Variants in RAD51B observed in about 807,000 individuals in gnomAD.
The protein encoded by RAD51B is RAD51 paralog B, also known as DNA repair protein RAD51 homolog 2.
RAD51B carries 38 observed loss-of-function variants against 42.2 expected under a neutral mutation model. The observed-to-expected ratio is 0.90, with a 90% CI of 0.70 to 1.18. RAD51B has a LOEUF of 1.18. Among genes scored for constraint, RAD51B ranks in the 50% most tolerant of loss-of-function variants. The pLI, the probability that RAD51B is intolerant of heterozygous loss-of-function variation, is 0.00. For synonymous variants in RAD51B, 154 were observed against 145.2 expected (o/e 1.06, Z -0.43); for missense variants, 373 against 400.7 (o/e 0.93, Z 0.59).
intron 7 of RAD51B, among the ~76,000 whole-genome samples, chr14:68,251,141 G>A (rs753134861): frequency 6.6e-6 from 1 of 151,956 alleles, no homozygotes; most frequent in African/African-American, 2.4e-5. Context: ...TTGTATGACA[G>A]ATCCAGGGGA....
At chr14:68,351,043 T>C (rs890170761) in intron 8 of RAD51B, among the ~76,000 whole-genome samples, 1 of 152,152 alleles carries the variant, frequency 6.6e-6, no homozygotes, top group Non-Finnish European at 1.5e-5. Context: ...AATAAACTTG[T>C]AGAAGGTACT....
chr14:68,586,656 C>T (rs932018886), intron 10 of RAD51B, among the ~76,000 whole-genome samples: 1 of 152,196 alleles, frequency 6.6e-6, no homozygotes, highest in Non-Finnish European at 1.5e-5. Flanking sequence ...GCTTCACAGA[C>T]ACTCCCATTC....
chr14:68,645,838 A>C (rs969923111), intron 10 of RAD51B, among the ~76,000 whole-genome samples: 1 of 152,126 alleles, frequency 6.6e-6, no homozygotes, highest in African/African-American at 2.4e-5. Context: ...TTTTGCTATC[A>C]TAAGTAAAAT....
At chr14:68,254,406 C>T (rs1438062472) in intron 7 of RAD51B, among the ~76,000 whole-genome samples, 1 of 152,218 alleles carries the variant, frequency 6.6e-6, no homozygotes, top group African/African-American at 2.4e-5. Flanking sequence ...TCCATTTTCA[C>T]TAACCTTTAA....
chr14:68,293,425 G>A (rs1178614697), intron 8 of RAD51B, among the ~76,000 whole-genome samples: 7 of 151,976 alleles, frequency 4.6e-5, no homozygotes, highest in Admixed American at 1.3e-4. Context: ...CTCCCTTTGC[G>A]TAGACTGGTT....
intron 9 of RAD51B, among the ~76,000 whole-genome samples, chr14:68,439,483 T>G (rs912589372): frequency 4.2e-5 from 5 of 119,438 alleles, no homozygotes; most frequent in African/African-American, 1.4e-4. Context: ...ATATGTCCCA[T>G]TTTACTGATG....
Position 68,644,142 on chromosome 14 carries a change from T to G in RAD51B, c.1037-6639T>G, listed in dbSNP as rs1892519425. 1.3e-5 allele frequency among the ~76,000 whole-genome samples: 2 copies of G among 152,258 alleles called. 1 individual carries two copies. The highest frequency in any genetic ancestry group is 1.3e-4 in the Admixed American group (2 of 15,280). ...GACCTTGGCATTGCTGGCATCCTAA[T>G]TCCTGCAACGAGCATTTACTTGTTC... is the stretch of plus-strand genomic sequence containing the variant. On this transcript the variant is annotated intron_variant, in intron 10 of 11. Transcript: ENST00000488612.
intron 7 of RAD51B, among the ~76,000 whole-genome samples, chr14:67,905,630 C>T (rs1052219736): frequency 6.6e-6 from 1 of 152,002 alleles, no homozygotes; most frequent in Non-Finnish European, 1.5e-5. Context: ...TTTTTCACCT[C>T]CCTGGTTAGC....
At chr14:68,295,655 CA>C (rs1224795994) in intron 8 of RAD51B, among the ~76,000 whole-genome samples, 1 of 152,082 alleles carries the variant, frequency 6.6e-6, no homozygotes, top group Non-Finnish European at 1.5e-5. Context: ...TCGGTTGGGC[CA>C]GGTCACTTGT....
At chr14:67,995,743 G>T (rs554187324) in intron 7 of RAD51B, among the ~76,000 whole-genome samples, 3 of 150,934 alleles carry the variant, frequency 2.0e-5, no homozygotes, top group Admixed American at 6.6e-5. Flanking sequence ...TCAGCCTTCC[G>T]AGTAGCTGGG....
At chr14:67,974,917 T>A (rs1365420871) in intron 7 of RAD51B, among the ~76,000 whole-genome samples, 3 of 152,234 alleles carry the variant, frequency 2.0e-5, no homozygotes, top group Admixed American at 1.3e-4. Context: ...TATGTGATAC[T>A]GACTACTAAT....
intron 7 of RAD51B, among the ~76,000 whole-genome samples, chr14:68,127,662 C>G (rs1010910619): frequency 1.1e-3 from 167 of 148,062 alleles, no homozygotes; most frequent in African/African-American, 4.0e-3. Flanking sequence ...CACATACACA[C>G]AGTAATGCTT....
chr14:67,935,504 A>C (rs1489031688), intron 7 of RAD51B, among the ~76,000 whole-genome samples: 1 of 152,146 alleles, frequency 6.6e-6, no homozygotes, highest in East Asian at 1.9e-4. Flanking sequence ...AGCTAGGACT[A>C]CAGGCACATA....
chr14:67,855,671 G>A (rs1170185020), intron 4 of RAD51B, among the ~76,000 whole-genome samples: 2 of 152,226 alleles, frequency 1.3e-5, no homozygotes, highest in East Asian at 3.8e-4. Context: ...AAACAGTTAA[G>A]TGTAAGACAT....
intron 7 of RAD51B, among the ~76,000 whole-genome samples, chr14:68,267,921 G>A (rs1288906785): frequency 6.7e-6 from 1 of 149,436 alleles, no homozygotes; most frequent in Admixed American, 6.6e-5. Flanking sequence ...ATTTTACACA[G>A]ATAAAACCAA....
At chr14:68,029,793 G>A (rs2031875058) in intron 7 of RAD51B, among the ~76,000 whole-genome samples, 1 of 152,126 alleles carries the variant, frequency 6.6e-6, no homozygotes, top group Non-Finnish European at 1.5e-5. Flanking sequence ...TCCATCAGAC[G>A]AATCCGTATC....
intron 7 of RAD51B, among the ~76,000 whole-genome samples, chr14:68,257,667 C>T (rs770809899): frequency 4.6e-5 from 7 of 151,988 alleles, no homozygotes; most frequent in South Asian, 2.1e-4. Context: ...GCTAAGATTG[C>T]GGGATTGAGA....
At chr14:68,253,557 T>A (rs2080687159) in intron 7 of RAD51B, among the ~76,000 whole-genome samples, 1 of 152,238 alleles carries the variant, frequency 6.6e-6, no homozygotes, top group Non-Finnish European at 1.5e-5. Flanking sequence ...GCAAAAGTCT[T>A]ACATTTTTTG....
chr14:68,184,237 A>T (rs114848063), intron 7 of RAD51B, among the ~76,000 whole-genome samples: 3,306 of 152,044 alleles, frequency 0.022, 104 homozygotes, highest in African/African-American at 0.069. Flanking sequence ...GAGATTTTTT[A>T]AAAAAAGTTA....
Sources: gnomAD v4.1 joint callset for allele counts (sites outside exome capture counted in the v4.1 genomes callset) on GRCh38, gnomAD v4.1.1 for gene constraint, MANE v1.5 for transcripts, NCBI Gene and HGNC (gene_info 2026-07-23, HGNC 2026-07-21) for gene names.